CMKLR1: variants seen among roughly 807,000 people sequenced by gnomAD.
The protein encoded by CMKLR1 is chemerin-like receptor 1.
In CMKLR1, 6 loss-of-function variants were observed where a neutral mutation model predicts 8.2. The observed-to-expected ratio is 0.73, with a 90% CI of 0.40 to 1.44. The LOEUF is 1.44. CMKLR1 is among the 40% of genes most tolerant of loss of function. The pLI is 0.02. For synonymous variants in CMKLR1, 178 were observed against 181.2 expected (o/e 0.98, Z 0.14); for missense variants, 429 against 478.0 (o/e 0.90, Z 0.96).
chr12:108,309,031 G>T (rs1037037019), intron 2 of CMKLR1, among the ~76,000 whole-genome samples: 1 of 152,162 alleles, frequency 6.6e-6, no homozygotes, highest in African/African-American at 2.4e-5. Context: ...GCTCTGCTGT[G>T]TGACCATGGG....
chr12:108,315,539 A>G (rs1280656652), intron 2 of CMKLR1, among the ~76,000 whole-genome samples: 1 of 152,168 alleles, frequency 6.6e-6, no homozygotes, highest in East Asian at 1.9e-4. Flanking sequence ...TAAGCTAAGC[A>G]CACGTCCTGT....
rs528451908 is a variant in CMKLR1, at chr12:108,302,254, C to T, written c.-73-8590G>A. On this transcript the variant is annotated intron_variant, in intron 2 of 3. Transcript: ENST00000550402. ...AAAGCTGGACGCTTCCCAGGTTGGC[C>T]GGGTGGGAGCACAGGCACCTCATGC... Among the ~76,000 whole-genome samples, 5 of 152,334 alleles carry T rather than the reference C, an allele frequency of 3.3e-5. No homozygotes were observed. The East Asian group carries it at 5.8e-4, about 18-fold the overall frequency.
At chr12:108,324,268 A>G (rs1036562197) in intron 2 of CMKLR1, among the ~76,000 whole-genome samples, 1 of 152,180 alleles carries the variant, frequency 6.6e-6, no homozygotes, top group Non-Finnish European at 1.5e-5. Context: ...GGCAGATAGG[A>G]ACAGGGCTCA....
intron 2 of CMKLR1, among the ~76,000 whole-genome samples, chr12:108,298,899 C>T (rs1289293237): frequency 1.3e-5 from 2 of 152,240 alleles, no homozygotes; most frequent in African/African-American, 4.8e-5. Context: ...TTCCCTGGGA[C>T]GGTCCCAGGA....
chr12:108,302,636 G>T (rs900900552), intron 2 of CMKLR1, among the ~76,000 whole-genome samples: 1 of 152,142 alleles, frequency 6.6e-6, no homozygotes, highest in African/African-American at 2.4e-5. Flanking sequence ...CCTGGAGTGT[G>T]CATTCCCAGC....
At chr12:108,323,245 C>T (rs1221089412) in intron 2 of CMKLR1, among the ~76,000 whole-genome samples, 1 of 152,170 alleles carries the variant, frequency 6.6e-6, no homozygotes, top group Non-Finnish European at 1.5e-5. Flanking sequence ...ACATTAATAC[C>T]CACGAAAATA....
At chr12:108,310,976 A>G (rs1891548664) in intron 2 of CMKLR1, among the ~76,000 whole-genome samples, 2 of 136,002 alleles carry the variant, frequency 1.5e-5, no homozygotes, top group Non-Finnish European at 3.2e-5. Context: ...CCAGGAGATG[A>G]GCAGGGTGCA....
At chr12:108,314,646 G>A (rs73409586) in intron 2 of CMKLR1, among the ~76,000 whole-genome samples, 8,365 of 152,252 alleles carry the variant, frequency 0.055, 623 homozygotes, top group African/African-American at 0.16. Flanking sequence ...GGCCTGAACC[G>A]TGGCCTTTAA....
At position 108,291,653 on chromosome 12, in the gene CMKLR1, A is replaced by G; in HGVS notation, c.*188T>C. 1.5e-6 allele frequency: 1 copy of G among 646,772 alleles called. No homozygotes were observed. The highest frequency in any genetic ancestry group is 2.6e-5 in the East Asian group (1 of 38,196). 40.1% of individuals were successfully genotyped at this position (646,772 alleles called of 1,614,324 possible). On this transcript the variant is annotated 3_prime_UTR_variant, in exon 4 of 4. Transcript: ENST00000550402. ...GCTAGTCCAAGGCTGTATGGAACAC[A>G]GCATGTTCTGTCCACTAGAAGAAAG...
At chr12:108,309,514 G>GCCA (rs1891496040) in intron 2 of CMKLR1, among the ~76,000 whole-genome samples, 1 of 151,238 alleles carries the variant, frequency 6.6e-6, no homozygotes, top group African/African-American at 2.4e-5. Context: ...CAACCTGGGT[G>GCCA]ACAGGGTGAG....
At chr12:108,333,012 G>A (rs1388027432) in intron 1 of CMKLR1, among the ~76,000 whole-genome samples, 1 of 152,138 alleles carries the variant, frequency 6.6e-6, no homozygotes, top group Non-Finnish European at 1.5e-5. Flanking sequence ...TCAAACCCAG[G>A]ATTAGAACTC....
At chr12:108,304,839 A>C (rs1396630449) in intron 2 of CMKLR1, among the ~76,000 whole-genome samples, 1 of 152,166 alleles carries the variant, frequency 6.6e-6, no homozygotes, top group Non-Finnish European at 1.5e-5. Context: ...TGTCTCTTTC[A>C]TCGCAGGCTA....
chr12:108,334,056 C>G (rs1245436041), intron 1 of CMKLR1, among the ~76,000 whole-genome samples: 2 of 152,232 alleles, frequency 1.3e-5, no homozygotes, highest in Non-Finnish European at 2.9e-5. Context: ...CCAGGTGTTT[C>G]AAGTCCTAAT....
intron 2 of CMKLR1, among the ~76,000 whole-genome samples, chr12:108,298,634 G>T (rs978973786): frequency 6.6e-6 from 1 of 152,128 alleles, no homozygotes; most frequent in Non-Finnish European, 1.5e-5. Context: ...CTGAGGTCTG[G>T]GACACACACA....
intron 2 of CMKLR1, among the ~76,000 whole-genome samples, chr12:108,328,343 GC>G (rs1385758013): frequency 6.6e-6 from 1 of 152,162 alleles, no homozygotes; most frequent in Admixed American, 6.5e-5. Context: ...CACCAGGCAA[GC>G]CCCCTGACAC....
chr12:108,296,217 A>G (rs2137296957), intron 2 of CMKLR1, among the ~76,000 whole-genome samples: 1 of 152,276 alleles, frequency 6.6e-6, no homozygotes, highest in South Asian at 2.1e-4. Flanking sequence ...GATCTGCAGG[A>G]ACTCCCCTGT....
chr12:108,309,736 A>G (rs2137315000), intron 2 of CMKLR1, among the ~76,000 whole-genome samples: 1 of 152,292 alleles, frequency 6.6e-6, no homozygotes, highest in South Asian at 2.1e-4. Context: ...GCATTACAGA[A>G]CAGGGGTTAT....
intron 2 of CMKLR1, among the ~76,000 whole-genome samples, chr12:108,315,443 T>G (rs1470462316): frequency 1.3e-5 from 2 of 152,194 alleles, no homozygotes; most frequent in Non-Finnish European, 2.9e-5. Flanking sequence ...CAATAAATCC[T>G]ACAGTTTCCC....
intron 2 of CMKLR1, among the ~76,000 whole-genome samples, chr12:108,304,751 G>A (rs545661326): frequency 3.3e-5 from 5 of 152,114 alleles, no homozygotes; most frequent in Non-Finnish European, 4.4e-5. Context: ...TGACAGGCTC[G>A]GCTGCCCCTC....
Sources: gnomAD v4.1 joint callset for allele counts (sites outside exome capture counted in the v4.1 genomes callset) on GRCh38, gnomAD v4.1.1 for gene constraint, MANE v1.5 for transcripts, NCBI Gene and HGNC (gene_info 2026-07-23, HGNC 2026-07-21) for gene names.